The following DOCK3 variants were observed in gnomAD, a reference collection of about 807,000 sequenced individuals.
The protein encoded by DOCK3 is dedicator of cytokinesis 3, also known as dedicator of cytokinesis protein 3.
A neutral mutation model predicts 265.6 loss-of-function variants in DOCK3; 60 were observed. That is an observed-to-expected ratio of 0.23 (90% CI 0.18 to 0.28). DOCK3 has a LOEUF of 0.28. Ranked by LOEUF, DOCK3 falls within the 10% of genes least tolerant of loss-of-function variation. The pLI is 1.00. For missense variants in DOCK3, 1,981 were observed against 2,594.3 expected, an observed-to-expected ratio of 0.76 and a Z score of 5.14; for synonymous variants, 881 against 938.0, an observed-to-expected ratio of 0.94 and a Z score of 1.11.
Position 50,805,766 on chromosome 3 carries a change from G to C in DOCK3, c.121+27008G>C, listed in dbSNP as rs2043373620. On this transcript the variant is annotated intron_variant, in intron 2 of 52. Transcript: ENST00000266037. ...TATTTCTTTGGCCTCGTATGTGGGT[G>C]AGTGGCTGCTCAGCTTTCCTGGGTG... Among the ~76,000 whole-genome samples, 3 of 152,188 alleles carry C rather than the reference G, an allele frequency of 2.0e-5. No individual in the cohort carries two copies. The South Asian group carries it at 6.2e-4, about 32-fold the overall frequency.
chr3:51,355,942 C>T (rs954374145), intron 41 of DOCK3, 147 bp from the exon 42 acceptor site: 2 of 906,368 alleles, frequency 2.2e-6, no homozygotes, highest in African/African-American at 1.7e-5. Flanking sequence ...GTCTGATCTG[C>T]CCCTAGAGAT....
intron 5 of DOCK3, among the ~76,000 whole-genome samples, chr3:51,059,138 T>G (rs1318669263): frequency 6.6e-6 from 1 of 152,132 alleles, no homozygotes; most frequent in Non-Finnish European, 1.5e-5. Context: ...TATTCATGAG[T>G]ACCCAGTGTT....
chr3:50,918,232 G>C (rs1457897725), intron 4 of DOCK3, among the ~76,000 whole-genome samples: 4 of 152,144 alleles, frequency 2.6e-5, no homozygotes, highest in Non-Finnish European at 4.4e-5. Flanking sequence ...GTGTGCATGT[G>C]TCTTTATAGT....
Position 50,904,698 on chromosome 3 carries a change from C to T in DOCK3, c.218+14617C>T, listed in dbSNP as rs570262573. ...AGCCCATTGTCAGATGAGTAGATTG[C>T]AAAAATTTTTTCCCATTCTGTAGGT... On this transcript the variant is annotated intron_variant, in intron 4 of 52. Transcript: ENST00000266037. Among the ~76,000 whole-genome samples, 206 of 151,836 alleles carry T rather than the reference C, an allele frequency of 1.4e-3. 1 individual carries two copies. The highest frequency in any genetic ancestry group is 4.8e-3 in the African/African-American group (196 of 41,172).
intron 3 of DOCK3, among the ~76,000 whole-genome samples, chr3:50,875,710 T>G (rs1446788154): frequency 6.6e-6 from 1 of 152,214 alleles, no homozygotes; most frequent in Non-Finnish European, 1.5e-5. Context: ...ATTTAATATT[T>G]TGTAGAAGAT....
intron 5 of DOCK3, among the ~76,000 whole-genome samples, chr3:50,946,281 C>A (rs576123390): frequency 1.6e-4 from 25 of 152,122 alleles, no homozygotes; most frequent in African/African-American, 5.8e-4. Context: ...TATACTAGTT[C>A]CCTATCTTAC....
Position 51,236,384 on chromosome 3 carries a change from G to A in DOCK3, c.1957G>A (p.Asp653Asn). The change falls in exon 20 of 53, where the codon GAT becomes AAT. Residue 653 changes from aspartate to asparagine, a missense_variant. Asp to Asn is a conservative substitution (Grantham distance 23). Coordinates refer to ENST00000266037, the MANE Select transcript of DOCK3 (RefSeq NM_004947.5). ...CTTAGATACACTCTTTGTGATTTTG[G>A]ATGATAATACAGAGAAGTACGGCCT... is the stretch of plus-strand genomic sequence containing the variant. ...DILDTLFVIL[D>N]DNTEKYGLLV... The A allele has an allele frequency of 6.2e-7, 1 of 1,613,416 alleles. No individual in the cohort carries two copies. Among genetic ancestry groups the A allele is most frequent in the Non-Finnish European group, 8.5e-7 (1 of 1,179,636 alleles).
intron 27 of DOCK3, among the ~76,000 whole-genome samples, chr3:51,306,705 C>T (rs2082708988): frequency 6.6e-6 from 1 of 152,190 alleles, no homozygotes; most frequent in South Asian, 2.1e-4. Flanking sequence ...GTGAATTTTT[C>T]ATTTCAGTTA....
chr3:50,717,277 G>A (rs1042275498), intron 1 of DOCK3, among the ~76,000 whole-genome samples: 16 of 152,150 alleles, frequency 1.1e-4, no homozygotes, highest in Non-Finnish European at 1.8e-4. Flanking sequence ...ACAGATGTTG[G>A]ACATGTAGAA....
chr3:50,799,707 C>G (rs568401927), intron 2 of DOCK3, among the ~76,000 whole-genome samples: 1 of 152,082 alleles, frequency 6.6e-6, no homozygotes, highest in African/African-American at 2.4e-5. Flanking sequence ...ATTTATTTTT[C>G]TTGCCTGATT....
chr3:51,058,343 G>C (rs1382499938), intron 5 of DOCK3, among the ~76,000 whole-genome samples: 1 of 152,096 alleles, frequency 6.6e-6, no homozygotes, highest in African/African-American at 2.4e-5. Flanking sequence ...TCACATTATT[G>C]CAAAAGACCA....
At chr3:51,250,002 C>G (rs972685935) in intron 22 of DOCK3, among the ~76,000 whole-genome samples, 3 of 151,860 alleles carry the variant, frequency 2.0e-5, no homozygotes, top group Non-Finnish European at 4.4e-5. Context: ...CTGAAACGTG[C>G]TGTGTCCACT....
intron 3 of DOCK3, among the ~76,000 whole-genome samples, chr3:50,844,916 A>G (rs2046008891): frequency 6.6e-6 from 1 of 152,174 alleles, no homozygotes; most frequent in Non-Finnish European, 1.5e-5. Context: ...TGTATTTGTT[A>G]GAGTCATCAA....
At chr3:50,847,910 A>G (rs946220420) in intron 3 of DOCK3, among the ~76,000 whole-genome samples, 1 of 115,050 alleles carries the variant, frequency 8.7e-6, no homozygotes, top group Non-Finnish European at 1.9e-5. Context: ...AAAATCCCCC[A>G]CAGTTATTGT....
chr3:51,271,868 AAAG>A (rs1204575277), intron 24 of DOCK3, among the ~76,000 whole-genome samples: 3 of 28,146 alleles, frequency 1.1e-4, no homozygotes, highest in African/African-American at 4.7e-4. Flanking sequence ...AAAAAAAAAA[AAAG>A]GCCCTGAAAG....
At chr3:50,843,819 A>G (rs886808478) in intron 3 of DOCK3, among the ~76,000 whole-genome samples, 1 of 152,210 alleles carries the variant, frequency 6.6e-6, no homozygotes, top group Non-Finnish European at 1.5e-5. Flanking sequence ...AAACTTAAAA[A>G]AATATGGAAA....
intron 38 of DOCK3, among the ~76,000 whole-genome samples, chr3:51,346,550 C>A (rs373159098): frequency 1.3e-5 from 2 of 151,672 alleles, no homozygotes; most frequent in Non-Finnish European, 3.0e-5. Context: ...TGATGGACAT[C>A]TGGGTTGGTT....
chr3:50,855,451 G>T (rs907853580), intron 3 of DOCK3, among the ~76,000 whole-genome samples: 2 of 151,988 alleles, frequency 1.3e-5, no homozygotes, highest in African/African-American at 4.8e-5. Flanking sequence ...TTCTTGATTT[G>T]GTTCTCAGCT....
Position 51,350,304 on chromosome 3 carries a change from A to G in DOCK3, c.4019A>G (p.Tyr1340Cys). ...CATTCACAGAAAATGGAGGCCAGCT[A>G]CTATGACAACATTATGGAGCAGCAA... ...LSWIRKMEASYYDNIMEQQRL... is the reference protein window; with the variant it reads ...LSWIRKMEASCYDNIMEQQRL... The change falls in exon 40 of 53, where the codon TAC (tyrosine) becomes TGC (cysteine). Residue 1340 changes from tyrosine (Y) to cysteine (C), a missense_variant. Transcript: ENST00000266037. 1 of 1,605,776 alleles carries G rather than the reference A, an allele frequency of 6.2e-7. No individual in the cohort carries two copies. The highest frequency in any genetic ancestry group is 8.5e-7 in the Non-Finnish European group (1 of 1,177,998).
Sources: allele counts gnomAD v4.1 joint callset (sites outside exome capture counted in the v4.1 genomes callset), GRCh38; gene constraint gnomAD v4.1.1; transcripts MANE v1.5; gene names NCBI Gene and HGNC (gene_info 2026-07-23, HGNC 2026-07-21).